The following NLGN1 variants were observed in gnomAD, a reference collection of about 807,000 sequenced individuals.
NLGN1 encodes neuroligin-1.
A neutral mutation model predicts 65.5 loss-of-function variants in NLGN1; 12 were observed. The ratio of observed to expected loss-of-function variants is 0.18; its 90% confidence interval spans 0.12 to 0.30. NLGN1 has a LOEUF of 0.30. NLGN1 is among the 10% of genes least tolerant of loss of function. The pLI is 1.00. For synonymous variants in NLGN1, 350 were observed against 359.5 expected (o/e 0.97, Z 0.30); for missense variants, 750 against 1,007.1 (o/e 0.74, Z 3.46).
intron 3 of NLGN1, among the ~76,000 whole-genome samples, chr3:173,663,810 A>G (rs1312403099): frequency 1.3e-5 from 2 of 151,956 alleles, no homozygotes; most frequent in Admixed American, 6.6e-5. Flanking sequence ...GATATCTGAA[A>G]GTCACGCTTC....
intron 3 of NLGN1, among the ~76,000 whole-genome samples, chr3:173,739,430 C>T (rs943568009): frequency 2.0e-5 from 3 of 152,020 alleles, no homozygotes; most frequent in East Asian, 1.9e-4. Context: ...TGACAACTAA[C>T]CTAGTAGATC....
At chr3:174,219,210 T>C (rs568493770) in intron 4 of NLGN1, among the ~76,000 whole-genome samples, 71 of 152,110 alleles carry the variant, frequency 4.7e-4, no homozygotes, top group African/African-American at 1.7e-3. Flanking sequence ...CAGGAACCCA[T>C]GGAAGATATT....
intron 4 of NLGN1, among the ~76,000 whole-genome samples, chr3:173,873,323 A>T (rs1362900583): frequency 1.3e-5 from 2 of 152,042 alleles, no homozygotes; most frequent in African/African-American, 4.8e-5. Context: ...TCCTGACCTG[A>T]AGTGATCCGT....
intron 2 of NLGN1, among the ~76,000 whole-genome samples, chr3:173,478,704 T>C (rs1192183922): frequency 6.6e-6 from 1 of 152,008 alleles, no homozygotes; most frequent in Non-Finnish European, 1.5e-5. Flanking sequence ...GCGGATCACA[T>C]GAGGCCAGGA....
chr3:173,579,318 T>C (rs1746020984), intron 2 of NLGN1, among the ~76,000 whole-genome samples: 1 of 152,010 alleles, frequency 6.6e-6, no homozygotes, highest in Admixed American at 6.5e-5. Context: ...TAGAAAAAAA[T>C]ACAAAAATTA....
chr3:173,442,783 G>T (rs1719435966), intron 2 of NLGN1, among the ~76,000 whole-genome samples: 1 of 152,080 alleles, frequency 6.6e-6, no homozygotes, highest in East Asian at 1.9e-4. Context: ...ATTTAAGGAT[G>T]TTAATAACTT....
intron 4 of NLGN1, among the ~76,000 whole-genome samples, chr3:174,243,327 C>CTTG (rs1743230568): frequency 6.6e-6 from 1 of 152,108 alleles, no homozygotes; most frequent in African/African-American, 2.4e-5. Context: ...CTTAATGTGG[C>CTTG]TTGTTAGGCT....
chr3:173,437,405 G>A (rs564246776), intron 2 of NLGN1, among the ~76,000 whole-genome samples: 1 of 152,202 alleles, frequency 6.6e-6, no homozygotes, highest in South Asian at 2.1e-4. Context: ...AGGAAGATGA[G>A]GCTTTTTCAG....
chr3:174,285,957 G>C (rs1160875547), exon 7 of NLGN1: 1 of 151,268 alleles, frequency 6.6e-6, no homozygotes, highest in Non-Finnish European at 1.5e-5. Context: ...GGGAAAGACT[G>C]AGGTAAATTT....
intron 4 of NLGN1, among the ~76,000 whole-genome samples, chr3:174,128,184 C>T (rs1719372838): frequency 6.6e-6 from 1 of 152,020 alleles, no homozygotes; most frequent in Non-Finnish European, 1.5e-5. Context: ...TTTTGATAGT[C>T]CCCTAAAACA....
At chr3:174,127,673 G>A (rs7628005) in intron 4 of NLGN1, among the ~76,000 whole-genome samples, 41,204 of 151,936 alleles carry the variant, frequency 0.27, 7,413 homozygotes, top group African/African-American at 0.52. Flanking sequence ...AAAGGTACAC[G>A]TAGCAGGTAC....
At chr3:174,264,259 A>G (rs1163367842) in intron 4 of NLGN1, among the ~76,000 whole-genome samples, 12 of 151,446 alleles carry the variant, frequency 7.9e-5, no homozygotes, top group Non-Finnish European at 1.6e-4. Flanking sequence ...GTTCTCCTGG[A>G]TAATATCCTG....
rs1050946666 is a variant in NLGN1 at position 173,942,109 on chromosome 3, GGTGTGTGTGTGT to G, written c.646+134298_646+134309del. ...ATGGTCAGGAATATTGGTGGTTGGG[GGTGTGTGTGTGT>G]GTGTGTGTGTGTGTGTGTGTATGTG... On this transcript the variant is annotated intron_variant, in intron 4 of 6. Coordinates refer to ENST00000457714, the Ensembl canonical transcript of NLGN1. 5.6e-5 allele frequency among the ~76,000 whole-genome samples: 8 copies of G among 144,142 alleles called. No homozygotes were observed. In the Admixed American group the frequency reaches 5.6e-4, roughly 10 times the overall value. The allele number at this position is 144,142 out of a possible 152,430, so 94.6% of individuals were successfully genotyped here.
chr3:173,830,522 C>T (rs1000492043), intron 4 of NLGN1, among the ~76,000 whole-genome samples: 1 of 152,040 alleles, frequency 6.6e-6, no homozygotes. Flanking sequence ...TGGCATTATC[C>T]ATCTATTTGG....
At chr3:173,697,030 C>T (rs1766323659) in intron 3 of NLGN1, among the ~76,000 whole-genome samples, 1 of 152,056 alleles carries the variant, frequency 6.6e-6, no homozygotes, top group South Asian at 2.1e-4. Context: ...ATAGCTATTA[C>T]CTATTATTAA....
chr3:173,459,504 T>G (rs1723021539), intron 2 of NLGN1, among the ~76,000 whole-genome samples: 1 of 152,108 alleles, frequency 6.6e-6, no homozygotes, highest in Non-Finnish European at 1.5e-5. Flanking sequence ...TTCTAGTTCT[T>G]GAGTTTGTTA....
intron 4 of NLGN1, among the ~76,000 whole-genome samples, chr3:173,966,399 G>C (rs1300482058): frequency 6.6e-6 from 1 of 152,196 alleles, no homozygotes; most frequent in African/African-American, 2.4e-5. Context: ...CAATCTTGAA[G>C]GGGCTAGCAT....
chr3:174,155,072 ATTATT>A (rs1186364006), intron 4 of NLGN1, among the ~76,000 whole-genome samples: 1 of 116,332 alleles, frequency 8.6e-6, no homozygotes, highest in Non-Finnish European at 1.6e-5. Flanking sequence ...AAATATTTAT[ATTATT>A]TTAAATATTT....
chr3:174,171,613 T>C (rs1728545634), intron 4 of NLGN1, among the ~76,000 whole-genome samples: 1 of 152,330 alleles, frequency 6.6e-6, no homozygotes, highest in Admixed American at 6.5e-5. Context: ...AGGCTGCTAA[T>C]AAAATTGGGT....
Sources: allele counts gnomAD v4.1 joint callset (sites outside exome capture counted in the v4.1 genomes callset), GRCh38; gene constraint gnomAD v4.1.1; transcripts MANE v1.5; gene names NCBI Gene and HGNC (gene_info 2026-07-23, HGNC 2026-07-21).